SAMMSON: variants seen among roughly 807,000 people sequenced by gnomAD.
SAMMSON encodes survival associated mitochondrial melanoma specific oncogenic non-coding RNA, also known as long intergenic non-protein coding RNA 1212.
chr3:70,042,929 G>T (rs987013969), intron 3 of SAMMSON, among the ~76,000 whole-genome samples: 1 of 152,026 alleles, frequency 6.6e-6, no homozygotes, highest in African/African-American at 2.4e-5. Flanking sequence ...CAGAGATTTC[G>T]CTTTGCCAGT....
Position 70,253,175 on chromosome 3 carries a change from T to A in SAMMSON, n.674+3505T>A, listed in dbSNP as rs117489448. On this transcript the variant is annotated intron_variant and non_coding_transcript_variant, in intron 6 of 9. Coordinates refer to ENST00000642114, the Ensembl canonical transcript of SAMMSON. The stretch of plus-strand genomic sequence containing the variant: ...AAGAGAAAAATATACAGCAGGTGAG[T>A]GAGATACAACATTTTGGAAAATATG... Among the ~76,000 whole-genome samples, 6 of 151,930 alleles carry A rather than the reference T, an allele frequency of 3.9e-5. No individual in the cohort carries two copies. The East Asian group carries it at 1.2e-3, about 29-fold the overall frequency.
chr3:70,021,245 T>C lies in SAMMSON; in HGVS notation n.417+7573T>C, dbSNP rs79045342. The stretch of plus-strand genomic sequence containing the variant: ...AACACATTTCCTGTCATAATTAGTG[T>C]AATGAGTTCTCATTTTCAGTTAAAA... On this transcript the variant is annotated intron_variant and non_coding_transcript_variant, in intron 3 of 9. Transcript: ENST00000642114. Among the ~76,000 whole-genome samples, 14 of 152,352 alleles carry C rather than the reference T, an allele frequency of 9.2e-5. No homozygotes were observed. In the East Asian group the frequency reaches 2.5e-3, roughly 27 times the overall value.
chr3:70,125,098 T>G, intron 4 of SAMMSON: 4 of 1,090,652 alleles, frequency 3.7e-6, no homozygotes, highest in Non-Finnish European at 5.6e-6. Flanking sequence ...TAGGATCTGG[T>G]TTTTGTCTAG....
At chr3:70,413,019 G>A (rs1213995043) in intron 2 of SAMMSON, among the ~76,000 whole-genome samples, 1 of 152,002 alleles carries the variant, frequency 6.6e-6, no homozygotes, top group African/African-American at 2.4e-5. Flanking sequence ...TTTCTTCTTA[G>A]CACAGAACCG....
At chr3:70,417,593 A>G (rs1364669373) in intron 2 of SAMMSON, among the ~76,000 whole-genome samples, 3 of 152,188 alleles carry the variant, frequency 2.0e-5, no homozygotes, top group Non-Finnish European at 4.4e-5. Flanking sequence ...TGGATCCAGG[A>G]GCTCAGCTAC....
chr3:70,307,673 A>G (rs950170015), intron 7 of SAMMSON, among the ~76,000 whole-genome samples: 1 of 151,846 alleles, frequency 6.6e-6, no homozygotes, highest in Non-Finnish European at 1.5e-5. Context: ...TTCCCTTAAC[A>G]TTTCATCTGC....
intron 7 of SAMMSON, among the ~76,000 whole-genome samples, chr3:70,297,282 T>C (rs1702300191): frequency 6.6e-6 from 1 of 152,106 alleles, no homozygotes; most frequent in Non-Finnish European, 1.5e-5. Context: ...TCAAAGAGCC[T>C]ATCTGTTTAC....
At chr3:70,431,368 TTA>T (rs1300224328) in intron 2 of SAMMSON, among the ~76,000 whole-genome samples, 8 of 152,068 alleles carry the variant, frequency 5.3e-5, no homozygotes. Context: ...TAACCTGTGT[TTA>T]TGTCTGACAC....
intron 3 of SAMMSON, among the ~76,000 whole-genome samples, chr3:70,034,032 G>GA: frequency 1.3e-5 from 2 of 152,036 alleles, no homozygotes; most frequent in African/African-American, 2.4e-5. Flanking sequence ...TATTTAGGGA[G>GA]AAAAAATGGA....
chr3:70,132,496 C>G (rs532490992), intron 4 of SAMMSON, among the ~76,000 whole-genome samples: 3 of 152,148 alleles, frequency 2.0e-5, no homozygotes, highest in Non-Finnish European at 4.4e-5. Context: ...GTGTAGTTGG[C>G]AACCCCTATC....
At chr3:70,360,040 T>G (rs1038977670) in intron 9 of SAMMSON, among the ~76,000 whole-genome samples, 1 of 152,134 alleles carries the variant, frequency 6.6e-6, no homozygotes, top group African/African-American at 2.4e-5. Flanking sequence ...CAGACTTCCG[T>G]CGGCGCATTT....
intron 9 of SAMMSON, among the ~76,000 whole-genome samples, chr3:70,361,866 G>A (rs900492630): frequency 2.0e-5 from 3 of 152,102 alleles, no homozygotes; most frequent in African/African-American, 7.2e-5. Context: ...TCCAAAAATA[G>A]GAGACAAATT....
At chr3:70,349,702 G>A (rs764444141) in intron 7 of SAMMSON, among the ~76,000 whole-genome samples, 5 of 152,290 alleles carry the variant, frequency 3.3e-5, no homozygotes, top group African/African-American at 4.8e-5. Flanking sequence ...CAAGGAAACA[G>A]TATGAGCAAG....
chr3:70,313,661 G>A (rs1377659279), intron 7 of SAMMSON, among the ~76,000 whole-genome samples: 2 of 152,046 alleles, frequency 1.3e-5, no homozygotes, highest in African/African-American at 2.4e-5. Context: ...GCCTCCTCCA[G>A]TGTCTTTACC....
chr3:70,160,685 A>G (rs1431560531), intron 4 of SAMMSON, among the ~76,000 whole-genome samples: 2 of 151,954 alleles, frequency 1.3e-5, no homozygotes, highest in Non-Finnish European at 2.9e-5. Context: ...TTCCCTTTCC[A>G]TATAGATTTA....
chr3:70,095,600 G>T (rs920980585), intron 4 of SAMMSON, among the ~76,000 whole-genome samples: 3 of 152,108 alleles, frequency 2.0e-5, no homozygotes, highest in African/African-American at 7.2e-5. Context: ...ACCCAGCTCT[G>T]CCAATTGCCA....
intron 7 of SAMMSON, among the ~76,000 whole-genome samples, chr3:70,334,969 A>G (rs1702650310): frequency 6.6e-6 from 1 of 151,956 alleles, no homozygotes; most frequent in South Asian, 2.1e-4. Flanking sequence ...TTATTCATCA[A>G]AGCCAATGTA....
rs9851235 is a variant in SAMMSON, at chr3:70,110,175, G to A, written n.507+38610G>A. 0.017 allele frequency among the ~76,000 whole-genome samples: 2,546 copies of A among 152,280 alleles called. 136 individuals are homozygous for A. In the East Asian group the frequency reaches 0.21, roughly 13 times the overall value. ...TTATTTTGTATTGCATCATATGTTC[G>A]TGTGTCTTTCTCTCTACTCTTACTC... On this transcript the variant is annotated intron_variant and non_coding_transcript_variant, in intron 4 of 9. Transcript: ENST00000642114.
intron 7 of SAMMSON, among the ~76,000 whole-genome samples, chr3:70,307,292 T>G (rs1267479730): frequency 6.6e-6 from 1 of 152,058 alleles, no homozygotes; most frequent in Non-Finnish European, 1.5e-5. Flanking sequence ...TCCTGAAAAA[T>G]CAGGAGACAC....
Sources: gnomAD v4.1 joint callset for allele counts (sites outside exome capture counted in the v4.1 genomes callset) on GRCh38, gnomAD v4.1.1 for gene constraint, MANE v1.5 for transcripts, NCBI Gene and HGNC (gene_info 2026-07-23, HGNC 2026-07-21) for gene names.